SBF2: variants seen among roughly 807,000 people sequenced by gnomAD.
The protein encoded by SBF2 is myotubularin-related protein 13.
In SBF2, 112 loss-of-function variants were observed where a neutral mutation model predicts 225.2. That is an observed-to-expected ratio of 0.50 (90% confidence interval 0.43 to 0.58). The LOEUF is 0.58. Ranked by LOEUF, SBF2 falls within the 20% of genes least tolerant of loss-of-function variation. SBF2 has a pLI of 0.00. For missense variants in SBF2, 1,996 were observed against 2,206.2 expected, an observed-to-expected ratio of 0.90 and a Z score of 1.91; for synonymous variants, 763 against 773.3, an observed-to-expected ratio of 0.99 and a Z score of 0.22.
chr11:9,819,471 A>C (rs893689335), intron 28 of SBF2: 2 of 152,220 alleles, frequency 1.3e-5, no homozygotes, highest in South Asian at 4.1e-4. Flanking sequence ...AAAGCTGCAC[A>C]GTCACAAAAA....
chr11:9,839,502 G>C lies in SBF2; in HGVS notation c.3451C>G (p.Arg1151Gly). Residue 1151 changes from arginine (R) to glycine (G), a missense_variant, in exon 26 of 40, where the codon CGG (arginine) becomes GGG (glycine). Transcript: ENST00000256190. Reference protein sequence around the residue: ...TASNRMYSLCRSYPGLLVVPQ... With the variant: ...TASNRMYSLCGSYPGLLVVPQ... Reference sequence around the variant, plus strand: ...GGAGCCCACTGACACACTTACCTCCGGCAGAGTGAATACATCCTGTTGGAG... The same window carrying C: ...GGAGCCCACTGACACACTTACCTCCCGCAGAGTGAATACATCCTGTTGGAG... 1 of 1,614,016 alleles carries C rather than the reference G, an allele frequency of 6.2e-7. No homozygotes were observed. The highest frequency in any genetic ancestry group is 8.5e-7 in the Non-Finnish European group (1 of 1,179,896).
Position 9,853,658 on chromosome 11 carries a change from T to C in SBF2, c.2418A>G (p.Ser806=), listed in dbSNP as rs1295154018. The C allele has an allele frequency of 9.3e-6, 15 of 1,613,876 alleles. No homozygotes were observed. Among genetic ancestry groups the C allele is most frequent in the East Asian group, 2.2e-5 (1 of 44,870 alleles). ...CAGAATTGGCAATGTCAGTATTCTCTGAATCTTCAAACCCACTCTCTGTAT... is the reference window on the plus strand; with the variant it reads ...CAGAATTGGCAATGTCAGTATTCTCCGAATCTTCAAACCCACTCTCTGTAT... ...SYDTESGFED[S]ENTDIANSVV... Residue 806 remains serine (S), a synonymous_variant, in exon 20 of 40, where the codon TCA becomes TCG. Coordinates refer to ENST00000256190, the MANE Select transcript of SBF2 (RefSeq NM_030962.4).
intron 17 of SBF2, among the ~76,000 whole-genome samples, chr11:9,858,618 T>C (rs966264174): frequency 2.0e-5 from 3 of 152,164 alleles, no homozygotes; most frequent in South Asian, 4.1e-4. Flanking sequence ...TCAAAATGGG[T>C]ATTTTAGTAA....
At chr11:9,845,455 A>T (rs779330636) in intron 24 of SBF2, 110 bp downstream of exon 24, 6 of 992,138 alleles carry the variant, frequency 6.0e-6, no homozygotes, top group Non-Finnish European at 9.6e-6. Context: ...ACAGAAACAG[A>T]ACAGTGAATG....
intron 1 of SBF2, among the ~76,000 whole-genome samples, chr11:10,257,687 A>G (rs1249140722): frequency 8.5e-4 from 127 of 149,490 alleles, no homozygotes; most frequent in Non-Finnish European, 1.4e-3. Flanking sequence ...AAAAAAAAAA[A>G]AAAGAAATGC....
chr11:9,809,869 T>G (rs1217842007), intron 30 of SBF2, among the ~76,000 whole-genome samples: 5 of 152,120 alleles, frequency 3.3e-5, no homozygotes, highest in Non-Finnish European at 7.3e-5. Flanking sequence ...CTTAATTTTT[T>G]GGGAATTAGA....
rs149659495 is a variant in SBF2 at position 9,787,724 on chromosome 11, C to T, written c.4947G>A (p.Leu1649=). ...CAGGGGCTTGGTTCAATTTGTGCTC[C>T]AATTTTTCAATTTCCTGCAAAGAAA... ...LTSLFSEIEK[L]EHKLNQAPEK... Residue 1649 remains leucine (L), a synonymous_variant, in exon 36 of 40, where the codon TTG becomes TTA. Coordinates refer to ENST00000256190, the MANE Select transcript of SBF2 (RefSeq NM_030962.4). The T allele has an allele frequency of 9.1e-5, 147 of 1,614,130 alleles. No homozygotes were observed. In the African/African-American group the frequency reaches 1.7e-3, roughly 19 times the overall value.
intron 16 of SBF2, among the ~76,000 whole-genome samples, chr11:9,899,501 CA>C (rs34430569): frequency 0.068 from 8,805 of 130,098 alleles, 405 homozygotes; most frequent in East Asian, 0.3. Context: ...GAGACACTGT[CA>C]AAAAAAAAAA....
intron 2 of SBF2, among the ~76,000 whole-genome samples, chr11:10,122,943 T>A (rs1953548614): frequency 6.6e-6 from 1 of 152,210 alleles, no homozygotes; most frequent in African/African-American, 2.4e-5. Context: ...GTACAGCATG[T>A]AGTTACACAC....
At chr11:9,898,825 T>C (rs189876757) in intron 16 of SBF2, among the ~76,000 whole-genome samples, 1 of 152,216 alleles carries the variant, frequency 6.6e-6, no homozygotes, top group African/African-American at 2.4e-5. Context: ...TCCTATTGAA[T>C]AAACATTTAT....
At chr11:10,073,319 T>A (rs981785907) in intron 2 of SBF2, among the ~76,000 whole-genome samples, 2 of 152,158 alleles carry the variant, frequency 1.3e-5, no homozygotes, top group African/African-American at 4.8e-5. Flanking sequence ...ATTTTAAAAT[T>A]ATTAAAATTT....
intron 6 of SBF2, among the ~76,000 whole-genome samples, chr11:10,005,866 G>A (rs1404567500): frequency 6.6e-6 from 1 of 151,834 alleles, no homozygotes; most frequent in African/African-American, 2.4e-5. Flanking sequence ...AATTCTTCTC[G>A]GCCACAGTGG....
intron 2 of SBF2, among the ~76,000 whole-genome samples, chr11:10,100,645 T>G (rs1268237198): frequency 6.6e-6 from 1 of 152,130 alleles, no homozygotes; most frequent in Non-Finnish European, 1.5e-5. Flanking sequence ...GGTATCTGGT[T>G]TGGTGAGTAT....
intron 1 of SBF2, among the ~76,000 whole-genome samples, chr11:10,252,002 A>C (rs1172633391): frequency 6.6e-6 from 1 of 152,226 alleles, no homozygotes; most frequent in Non-Finnish European, 1.5e-5. Flanking sequence ...CAACAGGCCA[A>C]ACCAAACTAA....
At chr11:9,887,580 G>A (rs75248620) in intron 17 of SBF2, among the ~76,000 whole-genome samples, 8,330 of 152,180 alleles carry the variant, frequency 0.055, 289 homozygotes, top group Non-Finnish European at 0.078. Flanking sequence ...GGAAATAAAA[G>A]CAAGACACTA....
intron 1 of SBF2, among the ~76,000 whole-genome samples, chr11:10,224,096 T>A (rs1046239522): frequency 1.3e-5 from 2 of 152,178 alleles, no homozygotes; most frequent in Non-Finnish European, 2.9e-5. Flanking sequence ...GATAGACTAG[T>A]ATCTACTTAT....
Position 9,961,967 on chromosome 11 carries a change from C to A in SBF2, c.1850G>T (p.Cys617Phe). 2 of 1,613,494 alleles carry A rather than the reference C, an allele frequency of 1.2e-6. No individual in the cohort carries two copies. Among genetic ancestry groups the A allele is most frequent in the African/African-American group, 1.3e-5 (1 of 75,048 alleles). The change falls in exon 16 of 40, where the codon TGT becomes TTT. Residue 617 changes from cysteine to phenylalanine, a missense_variant. Transcript: ENST00000256190. The stretch of plus-strand genomic sequence containing the variant: ...AGAACTACAAATTACCTGTAGAGTA[C>A]AATTCATCATCCTTATTATGTAGTC... ...QFDYIIRMMNCTLQDCSSLEE... is the reference protein window; with the variant it reads ...QFDYIIRMMNFTLQDCSSLEE...
intron 1 of SBF2, among the ~76,000 whole-genome samples, chr11:10,286,281 A>G (rs1019469198): frequency 3.9e-5 from 6 of 152,076 alleles, no homozygotes; most frequent in African/African-American, 1.4e-4. Context: ...CACGCTGTCC[A>G]CCATAAATAT....
intron 2 of SBF2, among the ~76,000 whole-genome samples, chr11:10,155,989 C>G (rs1225124965): frequency 6.6e-6 from 1 of 152,172 alleles, no homozygotes; most frequent in African/African-American, 2.4e-5. Context: ...CAGGTGGGAG[C>G]CCCGCCCCCT....
Sources: allele counts gnomAD v4.1 joint callset (sites outside exome capture counted in the v4.1 genomes callset), GRCh38; gene constraint gnomAD v4.1.1; transcripts MANE v1.5; gene names NCBI Gene and HGNC (gene_info 2026-07-23, HGNC 2026-07-21).